The following GPR137B variants were observed in gnomAD, a reference collection of about 807,000 sequenced individuals.
GPR137B encodes G protein-coupled receptor 137B, also known as integral membrane protein GPR137B.
GPR137B carries 42 observed loss-of-function variants against 42.5 expected under a neutral mutation model. The ratio of observed to expected loss-of-function variants is 0.99; its 90% confidence interval spans 0.77 to 1.28. The LOEUF (loss-of-function observed/expected upper bound fraction) is 1.28, where lower values mean the gene tolerates loss of function less well. Ranked by LOEUF, GPR137B falls within the 50% of genes most tolerant of loss-of-function variation. The pLI, the probability that GPR137B is intolerant of heterozygous loss-of-function variation, is 0.00. For synonymous variants in GPR137B, 218 were observed against 209.7 expected, an observed-to-expected ratio of 1.04 and a Z score of -0.34; for missense variants, 487 against 493.9, an observed-to-expected ratio of 0.99 and a Z score of 0.13.
chr1:236,199,222 C>T (rs1663427585), intron 5 of GPR137B, among the ~76,000 whole-genome samples: 2 of 152,150 alleles, frequency 1.3e-5, no homozygotes, highest in South Asian at 4.1e-4. Context: ...GTATGTTAAA[C>T]CATCCCTGCA....
intron 5 of GPR137B, among the ~76,000 whole-genome samples, chr1:236,186,405 G>T (rs1321402971): frequency 2.9e-5 from 4 of 139,094 alleles, no homozygotes; most frequent in Non-Finnish European, 6.1e-5. Flanking sequence ...TGTTACATGG[G>T]TATACATGAG....
At chr1:236,160,077 G>A (rs1662144175) in intron 1 of GPR137B, among the ~76,000 whole-genome samples, 1 of 152,204 alleles carries the variant, frequency 6.6e-6, no homozygotes, top group Admixed American at 6.5e-5. Flanking sequence ...CAGAAGAAAC[G>A]ATGCTAAAAC....
intron 5 of GPR137B, among the ~76,000 whole-genome samples, chr1:236,199,195 C>G (rs1424950643): frequency 6.6e-6 from 1 of 152,102 alleles, no homozygotes; most frequent in African/African-American, 2.4e-5. Flanking sequence ...TGTGATATAG[C>G]CCATTTATTG....
intron 5 of GPR137B, among the ~76,000 whole-genome samples, chr1:236,201,286 C>A (rs1460951739): frequency 2.0e-5 from 3 of 152,022 alleles, no homozygotes; most frequent in Admixed American, 6.5e-5. Flanking sequence ...ATTATTTTCC[C>A]AGGTGTTCTT....
intron 1 of GPR137B, among the ~76,000 whole-genome samples, chr1:236,158,607 C>T (rs1189422048): frequency 6.6e-6 from 1 of 152,186 alleles, no homozygotes; most frequent in Non-Finnish European, 1.5e-5. Context: ...CGTTTTGAAC[C>T]AGCGTGTGTG....
At chr1:236,186,189 A>AT (rs374815906) in intron 5 of GPR137B, among the ~76,000 whole-genome samples, 9,070 of 106,168 alleles carry the variant, frequency 0.085, 1,503 homozygotes, top group African/African-American at 0.34. Flanking sequence ...GATGGACATC[A>AT]TTTTTTTTTA....
chr1:236,174,187 A>C (rs150521733), intron 2 of GPR137B, among the ~76,000 whole-genome samples: 174 of 152,336 alleles, frequency 1.1e-3, no homozygotes, highest in African/African-American at 3.9e-3. Context: ...ATATTGTTTT[A>C]AATCTCCCAA....
At position 236,208,411 on chromosome 1, in the gene GPR137B, A is replaced by G; in HGVS notation, c.*253A>G. The G allele has an allele frequency of 1.9e-6, 2 of 1,058,906 alleles. No individual in the cohort carries two copies. Among genetic ancestry groups the G allele is most frequent in the Non-Finnish European group, 2.4e-6 (2 of 827,986 alleles). The allele number at this position is 1,058,906 out of a possible 1,614,324, so 65.6% of individuals were successfully genotyped here. A position where few individuals can be genotyped will look rare whatever the true frequency, so the allele number is the denominator to read the frequency against. On this transcript the variant is annotated 3_prime_UTR_variant, in exon 7 of 7. Coordinates refer to ENST00000366592, the MANE Select transcript of GPR137B (RefSeq NM_003272.4). ...AAAGAAAATCTGTACTTTTATAAAG[A>G]TGTATTTTGTATAACTTAAATAATA...
At chr1:236,194,886 A>G (rs2102921723) in intron 5 of GPR137B, among the ~76,000 whole-genome samples, 1 of 152,362 alleles carries the variant, frequency 6.6e-6, no homozygotes, top group East Asian at 1.9e-4. Flanking sequence ...AAATGATTTC[A>G]CCATTGTTAT....
At chr1:236,159,227 T>C (rs35655164) in intron 1 of GPR137B, among the ~76,000 whole-genome samples, 6,190 of 152,110 alleles carry the variant, frequency 0.041, 282 homozygotes, top group East Asian at 0.18. Context: ...GCAGGAGGAT[T>C]CCTGGAGCCC....
At chr1:236,151,630 GC>G (rs1334516566) in intron 1 of GPR137B, among the ~76,000 whole-genome samples, 1 of 151,898 alleles carries the variant, frequency 6.6e-6, no homozygotes, top group East Asian at 1.9e-4. Context: ...CACAATGTTG[GC>G]CAGGATGATC....
intron 5 of GPR137B, among the ~76,000 whole-genome samples, chr1:236,202,463 T>A (rs58495047): frequency 0.014 from 2,057 of 152,118 alleles, 85 homozygotes; most frequent in African/African-American, 0.048. Flanking sequence ...TTTCCAAGTG[T>A]CTGTGAATTC....
intron 2 of GPR137B, among the ~76,000 whole-genome samples, chr1:236,174,606 CAAA>C (rs1375761690): frequency 6.6e-6 from 1 of 152,094 alleles, no homozygotes; most frequent in Non-Finnish European, 1.5e-5. Context: ...TGGATGGAAT[CAAA>C]GAAGAACATT....
intron 1 of GPR137B, among the ~76,000 whole-genome samples, chr1:236,161,252 G>A (rs1426971288): frequency 2.0e-5 from 3 of 151,954 alleles, no homozygotes; most frequent in African/African-American, 7.3e-5. Context: ...ATGCTCCCCC[G>A]AAGCTCTCCG....
At chr1:236,149,371 G>A (rs1220989216) in intron 1 of GPR137B, among the ~76,000 whole-genome samples, 1 of 152,202 alleles carries the variant, frequency 6.6e-6, no homozygotes, top group African/African-American at 2.4e-5. Flanking sequence ...GGCGTGCAGA[G>A]GCAGGACAAG....
chr1:236,188,234 G>A (rs536638713), intron 5 of GPR137B, among the ~76,000 whole-genome samples: 1 of 152,248 alleles, frequency 6.6e-6, no homozygotes, highest in South Asian at 2.1e-4. Context: ...TGAGACAGTG[G>A]GGTTTTCTAA....
At chr1:236,178,110 T>C (rs1005136046) in intron 2 of GPR137B, among the ~76,000 whole-genome samples, 2 of 152,160 alleles carry the variant, frequency 1.3e-5, no homozygotes, top group African/African-American at 4.8e-5. Flanking sequence ...AGCTGTGCTC[T>C]CCACTCTTCG....
chr1:236,183,488 G>A (rs1029331301), intron 4 of GPR137B, among the ~76,000 whole-genome samples: 2 of 151,720 alleles, frequency 1.3e-5, no homozygotes, highest in Admixed American at 1.3e-4. Flanking sequence ...TGAATATTTT[G>A]AAGAAGAAGA....
At chr1:236,193,531 C>A (rs1054705968) in intron 5 of GPR137B, among the ~76,000 whole-genome samples, 1 of 152,072 alleles carries the variant, frequency 6.6e-6, no homozygotes, top group African/African-American at 2.4e-5. Context: ...GCTCCTAGCA[C>A]TTGTTATCTG....
Sources: allele counts gnomAD v4.1 joint callset (sites outside exome capture counted in the v4.1 genomes callset), GRCh38; gene constraint gnomAD v4.1.1; transcripts MANE v1.5; gene names NCBI Gene and HGNC (gene_info 2026-07-23, HGNC 2026-07-21).